Variants in NXPH1 observed in about 807,000 individuals in gnomAD.
NXPH1 encodes the protein neurexophilin 1.
NXPH1 carries 5 observed loss-of-function variants against 23.7 expected under a neutral mutation model. The ratio of observed to expected loss-of-function variants is 0.21; its 90% confidence interval spans 0.11 to 0.44. The LOEUF is 0.44. Ranked by LOEUF, NXPH1 falls within the 20% of genes least tolerant of loss-of-function variation. The pLI, the probability that NXPH1 is intolerant of heterozygous loss-of-function variation, is 0.99. For synonymous variants in NXPH1, 144 were observed against 122.2 expected, an observed-to-expected ratio of 1.18 and a Z score of -1.18; for missense variants, 324 against 321.6, an observed-to-expected ratio of 1.01 and a Z score of -0.06.
At chr7:8,526,968 A>G (rs1342813191) in intron 2 of NXPH1, among the ~76,000 whole-genome samples, 1 of 152,148 alleles carries the variant, frequency 6.6e-6, no homozygotes, top group Non-Finnish European at 1.5e-5. Flanking sequence ...TGTTCTTGTA[A>G]TACCAGTCAG....
intron 2 of NXPH1, among the ~76,000 whole-genome samples, chr7:8,492,564 C>T (rs1321962676): frequency 1.3e-5 from 2 of 151,946 alleles, no homozygotes; most frequent in Non-Finnish European, 2.9e-5. Flanking sequence ...ATAAAACACA[C>T]ATGATTGCTG....
intron 2 of NXPH1, among the ~76,000 whole-genome samples, chr7:8,750,127 G>T (rs1780539010): frequency 3.9e-5 from 6 of 152,038 alleles, no homozygotes; most frequent in Admixed American, 3.9e-4. Flanking sequence ...GCCCTGCAAG[G>T]TAAAAAATTA....
intron 2 of NXPH1, among the ~76,000 whole-genome samples, chr7:8,501,868 G>T (rs935530908): frequency 2.0e-5 from 3 of 152,104 alleles, no homozygotes; most frequent in Non-Finnish European, 2.9e-5. Context: ...AATGAAGACG[G>T]CAATTAGAGG....
intron 2 of NXPH1, among the ~76,000 whole-genome samples, chr7:8,665,918 C>CTTTTTT (rs869056537): frequency 3.6e-5 from 1 of 27,668 alleles, no homozygotes; most frequent in African/African-American, 7.4e-5. Context: ...TTTTCTTTTT[C>CTTTTTT]TTTTTTTTTT....
intron 2 of NXPH1, among the ~76,000 whole-genome samples, chr7:8,587,987 G>A (rs1185600391): frequency 2.6e-5 from 4 of 151,976 alleles, no homozygotes; most frequent in African/African-American, 7.2e-5. Context: ...GCCAACAAAT[G>A]TATGAAAAAA....
chr7:8,463,321 AT>A (rs151327571), intron 2 of NXPH1, among the ~76,000 whole-genome samples: 11 of 149,930 alleles, frequency 7.3e-5, no homozygotes, highest in Non-Finnish European at 1.3e-4. Flanking sequence ...GCCACATAGT[AT>A]TTTTTTTATC....
At chr7:8,668,250 C>A (rs1820809784) in intron 2 of NXPH1, among the ~76,000 whole-genome samples, 1 of 110,448 alleles carries the variant, frequency 9.1e-6, no homozygotes, top group East Asian at 3.7e-4. Flanking sequence ...GGTGTTATGT[C>A]TCTTTGTTTT....
At chr7:8,484,433 CA>C (rs1431434287) in intron 2 of NXPH1, among the ~76,000 whole-genome samples, 2 of 151,934 alleles carry the variant, frequency 1.3e-5, no homozygotes, top group Admixed American at 1.3e-4. Context: ...TAGCAGCTGT[CA>C]AAGGATATGT....
intron 2 of NXPH1, among the ~76,000 whole-genome samples, chr7:8,680,296 T>G (rs915912488): frequency 2.0e-5 from 3 of 152,250 alleles, no homozygotes; most frequent in African/African-American, 7.2e-5. Flanking sequence ...AGGGATAGTT[T>G]GTTTCAGATG....
Position 8,454,702 on chromosome 7 carries a change from TG to T in NXPH1, c.54+18937del, listed in dbSNP as rs1816562743. On this transcript the variant is annotated intron_variant, in intron 2 of 2. Transcript: ENST00000405863. ...GAGAAACGTGGCTCTAGAGGAACATTGGTGGCTTGTCGTAGAGTTAGAATAA... is the reference window on the plus strand; with the variant it reads ...GAGAAACGTGGCTCTAGAGGAACATTGTGGCTTGTCGTAGAGTTAGAATAA... Among the ~76,000 whole-genome samples the T allele has an allele frequency of 8.5e-5, 13 of 152,158 alleles. No homozygotes were observed. In the South Asian group the frequency reaches 2.7e-3, roughly 32 times the overall value.
At chr7:8,495,856 C>T (rs1859512) in intron 2 of NXPH1, among the ~76,000 whole-genome samples, 13,025 of 151,926 alleles carry the variant, frequency 0.086, 623 homozygotes, top group African/African-American at 0.11. Flanking sequence ...ATGGCTGCCA[C>T]GGTATTTGTT....
chr7:8,669,171 G>T (rs913994502), intron 2 of NXPH1, among the ~76,000 whole-genome samples: 6 of 152,224 alleles, frequency 3.9e-5, no homozygotes, highest in South Asian at 2.1e-4. Context: ...GCTGGTGTGG[G>T]TGTGTGCTGG....
At chr7:8,582,877 T>C (rs1307344316) in intron 2 of NXPH1, among the ~76,000 whole-genome samples, 1 of 152,194 alleles carries the variant, frequency 6.6e-6, no homozygotes, top group African/African-American at 2.4e-5. Context: ...AGCCTCCTGC[T>C]GCCATCAATT....
At chr7:8,655,438 CTCTCTCTCTCT>C (rs1310367336) in intron 2 of NXPH1, among the ~76,000 whole-genome samples, 834 of 67,278 alleles carry the variant, frequency 0.012, 16 homozygotes, top group Admixed American at 0.069. Context: ...CTCTCTCTCT[CTCTCTCTCTCT>C]ATACACACAC....
At chr7:8,456,739 C>T (rs1004972504) in intron 2 of NXPH1, among the ~76,000 whole-genome samples, 4 of 152,186 alleles carry the variant, frequency 2.6e-5, no homozygotes, top group Non-Finnish European at 4.4e-5. Context: ...ATTCAAATAA[C>T]TGCAGTAAGA....
intron 2 of NXPH1, among the ~76,000 whole-genome samples, chr7:8,547,457 G>T (rs1385246666): frequency 7.4e-6 from 1 of 134,948 alleles, no homozygotes; most frequent in Non-Finnish European, 1.8e-5. Flanking sequence ...ATAAATAAAT[G>T]AAAGACTAGA....
At chr7:8,565,488 C>T (rs962837611) in intron 2 of NXPH1, among the ~76,000 whole-genome samples, 4 of 91,314 alleles carry the variant, frequency 4.4e-5, no homozygotes, top group Admixed American at 2.6e-4. Flanking sequence ...TCTATAGAAT[C>T]ACAGTGAGTT....
chr7:8,474,359 A>G (rs969048441), intron 2 of NXPH1, among the ~76,000 whole-genome samples: 2 of 152,166 alleles, frequency 1.3e-5, no homozygotes, highest in Non-Finnish European at 2.9e-5. Context: ...GTTTTTATTA[A>G]TAACTATTGT....
At chr7:8,597,275 G>A (rs368150627) in intron 2 of NXPH1, among the ~76,000 whole-genome samples, 2 of 152,186 alleles carry the variant, frequency 1.3e-5, no homozygotes, top group Non-Finnish European at 2.9e-5. Flanking sequence ...CCATTAAAGG[G>A]TAAAGTTTAT....
Sources: gnomAD v4.1 joint callset for allele counts (sites outside exome capture counted in the v4.1 genomes callset) on GRCh38, gnomAD v4.1.1 for gene constraint, MANE v1.5 for transcripts, NCBI Gene and HGNC (gene_info 2026-07-23, HGNC 2026-07-21) for gene names.